Variants in ANKRD26 observed in about 807,000 individuals in gnomAD.
The protein encoded by ANKRD26 is ankyrin repeat domain-containing protein 26.
Under a neutral mutation model 208.7 loss-of-function variants are expected in ANKRD26, and 141 were observed. The ratio of observed to expected loss-of-function variants is 0.68; its 90% CI spans 0.59 to 0.78. ANKRD26 has a LOEUF of 0.78. ANKRD26 is among the 30% of genes least tolerant of loss of function. The probability of loss-of-function intolerance (pLI) is 0.00; values close to 1 mark genes in which losing one functional copy is unlikely to be tolerated. For missense variants in ANKRD26, 1,889 were observed against 1,938.7 expected (o/e 0.97, Z 0.48); for synonymous variants, 636 against 660.4 (o/e 0.96, Z 0.57).
Position 27,086,573 on chromosome 10 carries a change from C to T in ANKRD26, c.675G>A (p.Arg225=), listed in dbSNP as rs2056123416. 3.1e-6 allele frequency: 5 copies of T among 1,605,400 alleles called. No individual in the cohort carries two copies. The East Asian group carries it at 6.7e-5, about 22-fold the overall frequency. ...TATTTTGAGAAGAATGTTTAGGTAT[C>T]CTTTCTTCTTTATATTCTGAAATTA... The part of the protein sequence containing the change: ...HQLISEYKEE[R]IPKHSSQNSN... The change falls in exon 5 of 34, where the codon AGG becomes AGA. Residue 225 remains arginine, a synonymous_variant. Coordinates refer to ENST00000376087, the MANE Select transcript of ANKRD26 (RefSeq NM_014915.3).
rs187574201 is a variant in ANKRD26 at position 27,086,205 on chromosome 10, A to G, written c.709+334T>C. ...AAATAGAAGATCCATTTTTTATAAC[A>G]AGTCTAGTTCATTATAATGTAATTA... On this transcript the variant is annotated intron_variant, in intron 5 of 33. Transcript: ENST00000376087. Among the ~76,000 whole-genome samples the G allele has an allele frequency of 2.6e-5, 4 of 152,272 alleles. No individual in the cohort carries two copies. The East Asian group carries it at 7.7e-4, about 29-fold the overall frequency.
chr10:27,047,903 C>CT (rs2054514438), intron 17 of ANKRD26, among the ~76,000 whole-genome samples: 1 of 151,832 alleles, frequency 6.6e-6, no homozygotes. Flanking sequence ...GCCACCATGC[C>CT]TGCCTAATTT....
At chr10:27,090,090 C>G (rs1418149136) in intron 4 of ANKRD26, among the ~76,000 whole-genome samples, 1 of 152,136 alleles carries the variant, frequency 6.6e-6, no homozygotes, top group African/African-American at 2.4e-5. Context: ...CTCTGCTGAA[C>G]AAAAAGCCTG....
Position 27,064,001 on chromosome 10 carries a change from A to G in ANKRD26, c.1350T>C (p.Asn450=), listed in dbSNP as rs1180710583. The G allele has an allele frequency of 6.2e-7, 1 of 1,608,500 alleles. No individual in the cohort carries two copies. ...TATAGCTCTTACCTTCTGCTTGTTC[A>G]TTTCCTATATTTTTTTCTTTTCCGT... ...AADGKEKNIG[N]EQAEDVFYIP... is the part of the protein sequence containing the mutation. The change falls in exon 12 of 34, where the codon AAT becomes AAC. Residue 450 remains asparagine, a synonymous_variant. Coordinates refer to ENST00000376087, the MANE Select transcript of ANKRD26 (RefSeq NM_014915.3).
rs143299875 is a variant in ANKRD26 at position 27,061,352 on chromosome 10, G to T, written c.1364-110C>A. 103 of 676,622 alleles carry T rather than the reference G, an allele frequency of 1.5e-4. 2 individuals are homozygous for T. The African/African-American group carries it at 1.6e-3, about 11-fold the overall frequency. The allele number at this position is 676,622 out of a possible 1,614,324, so 41.9% of individuals were successfully genotyped here. On this transcript the variant is annotated intron_variant, in intron 12 of 33. Coordinates refer to ENST00000376087, the MANE Select transcript of ANKRD26 (RefSeq NM_014915.3). The stretch of plus-strand genomic sequence containing the variant: ...TAACATTTTATATTTCAAAATTAGT[G>T]CAGTTTTTTAAAATCAATGCAGTGT...
At chr10:27,015,622 G>C (rs760780599) in intron 30 of ANKRD26, among the ~76,000 whole-genome samples, 6 of 152,204 alleles carry the variant, frequency 3.9e-5, no homozygotes, top group Non-Finnish European at 7.4e-5. Flanking sequence ...CTTGTAGATT[G>C]TGTTCCAAGA....
At chr10:27,010,467 T>C (rs1475084767) in intron 32 of ANKRD26, among the ~76,000 whole-genome samples, 3 of 152,204 alleles carry the variant, frequency 2.0e-5, no homozygotes, top group Admixed American at 1.3e-4. Flanking sequence ...ATTTGCATCA[T>C]GCTTAGTAAG....
intron 6 of ANKRD26, among the ~76,000 whole-genome samples, chr10:27,081,106 A>C (rs939223666): frequency 5.3e-5 from 8 of 152,208 alleles, no homozygotes; most frequent in Non-Finnish European, 1.2e-4. Context: ...AAATTATTTT[A>C]ACATTTTTCA....
intron 9 of ANKRD26, among the ~76,000 whole-genome samples, chr10:27,074,032 A>G (rs2055601078): frequency 6.6e-6 from 1 of 152,162 alleles, no homozygotes. Flanking sequence ...ACCCAGTCAA[A>G]TCAAAAATAA....
At chr10:27,019,574 T>C (rs973133344) in intron 29 of ANKRD26, among the ~76,000 whole-genome samples, 4 of 152,132 alleles carry the variant, frequency 2.6e-5, no homozygotes, top group Non-Finnish European at 4.4e-5. Context: ...CCAGTTCAGT[T>C]TTATTAAAGT....
chr10:26,972,642 G>A (rs946936411), downstream of ANKRD26, among the ~76,000 whole-genome samples: 1 of 147,098 alleles, frequency 6.8e-6, no homozygotes, highest in Non-Finnish European at 1.5e-5. Context: ...CCAGGCTGGA[G>A]TGCAGTGGTG....
the ANKRD26 span, among the ~76,000 whole-genome samples, chr10:26,968,083 A>C: frequency 6.6e-6 from 1 of 152,016 alleles, no homozygotes; most frequent in Admixed American, 6.5e-5. Context: ...GTGTCTTCCC[A>C]CGGTCCTCAA....
chr10:27,083,039 T>C (rs1769105382), intron 5 of ANKRD26, among the ~76,000 whole-genome samples: 1 of 152,240 alleles, frequency 6.6e-6, no homozygotes, highest in Admixed American at 6.5e-5. Context: ...GCCACTCTTC[T>C]CTACTCACCT....
At chr10:27,006,838 G>T in intron 33 of ANKRD26, 79 bp downstream of exon 33, 3 of 1,107,392 alleles carry the variant, frequency 2.7e-6, no homozygotes, top group South Asian at 1.3e-5. Context: ...AATGGAAAGG[G>T]ATCCCACTCA....
At chr10:26,978,590 G>A (rs1453590163) in intron 5 of ANKRD26, among the ~76,000 whole-genome samples, 1 of 152,140 alleles carries the variant, frequency 6.6e-6, no homozygotes, top group Non-Finnish European at 1.5e-5. Context: ...CAGCCAAGAG[G>A]TGCATCCTCC....
Position 27,055,740 on chromosome 10 carries a change from A to T in ANKRD26, c.1565-2350T>A, listed in dbSNP as rs1056121317. Among the ~76,000 whole-genome samples, 4 of 152,220 alleles carry T rather than the reference A, an allele frequency of 2.6e-5. No homozygotes were observed. In the East Asian group the frequency reaches 7.7e-4, roughly 29 times the overall value. ...GTGTACACAGCTGGGGATACACTAT[A>T]GAGCAAATTCTCAATGATTCCCACT... On this transcript the variant is annotated intron_variant, in intron 15 of 33. Transcript: ENST00000376087.
intron 9 of ANKRD26, among the ~76,000 whole-genome samples, chr10:27,071,406 C>T (rs2055490993): frequency 6.6e-6 from 1 of 151,400 alleles, no homozygotes; most frequent in South Asian, 2.1e-4. Context: ...GATCTCCTGA[C>T]CTCGTGATCC....
chr10:27,081,190 C>T (rs545278420), intron 6 of ANKRD26, among the ~76,000 whole-genome samples: 1 of 152,248 alleles, frequency 6.6e-6, no homozygotes, highest in Admixed American at 6.5e-5. Context: ...CTCCCCTGAA[C>T]CCCCTATTTT....
downstream of ANKRD26, among the ~76,000 whole-genome samples, chr10:27,003,672 C>T (rs537902250): frequency 2.6e-5 from 4 of 152,318 alleles, no homozygotes; most frequent in Admixed American, 6.5e-5. Flanking sequence ...CCTCCAGATG[C>T]TGCATTGCAG....
Sources: gnomAD v4.1 joint callset for allele counts (sites outside exome capture counted in the v4.1 genomes callset) on GRCh38, gnomAD v4.1.1 for gene constraint, MANE v1.5 for transcripts, NCBI Gene and HGNC (gene_info 2026-07-23, HGNC 2026-07-21) for gene names.